Variants in PGM3 observed in about 807,000 individuals in gnomAD.
PGM3 encodes the protein phosphoacetylglucosamine mutase.
Under a neutral mutation model 66.2 loss-of-function variants are expected in PGM3, and 40 were observed. The observed-to-expected ratio is 0.60, with a 90% confidence interval of 0.47 to 0.79. The LOEUF is 0.79. Ranked by LOEUF, PGM3 falls within the 30% of genes least tolerant of loss-of-function variation. The probability of loss-of-function intolerance (pLI) is 0.00; values close to 1 mark genes in which losing one functional copy is unlikely to be tolerated. For missense variants in PGM3, 537 were observed against 643.4 expected (o/e 0.83, Z 1.79); for synonymous variants, 191 against 224.2 (o/e 0.85, Z 1.32).
At chr6:83,189,788 A>C (rs1788904171) in intron 2 of PGM3, among the ~76,000 whole-genome samples, 1 of 152,250 alleles carries the variant, frequency 6.6e-6, no homozygotes, top group Non-Finnish European at 1.5e-5. Flanking sequence ...TGGTATATAT[A>C]CACAATAGAA....
chr6:83,172,646 G>A (rs959857107), intron 10 of PGM3, among the ~76,000 whole-genome samples: 5 of 151,906 alleles, frequency 3.3e-5, no homozygotes, highest in African/African-American at 1.2e-4. Flanking sequence ...GCAACAGAGC[G>A]AGACTCCATC....
downstream of PGM3, chr6:83,164,585 T>C (rs1271631280): frequency 3.0e-5 from 43 of 1,415,436 alleles, no homozygotes; most frequent in Non-Finnish European, 3.6e-5. Flanking sequence ...CCAAATCACC[T>C]TAAACAAGGT....
Position 83,174,494 on chromosome 6 carries a change from C to T in PGM3, c.1129-7G>A, listed in dbSNP as rs2128489510. On this transcript the variant is annotated splice_polypyrimidine_tract_variant and splice_region_variant and intron_variant, in intron 9 of 12. Coordinates refer to ENST00000513973, the MANE Select transcript of PGM3 (RefSeq NM_015599.3). The stretch of plus-strand genomic sequence containing the variant: ...CAGCTGTACTAAACAGTGCCTGCAG[C>T]AAAAGAATATAAAATCAGTCTCAAA... The T allele has an allele frequency of 6.9e-7, 1 of 1,443,446 alleles. No homozygotes were observed. Among genetic ancestry groups the T allele is most frequent in the Non-Finnish European group, 9.5e-7 (1 of 1,048,334 alleles). 89.4% of individuals were successfully genotyped at this position (1,443,446 alleles called of 1,614,324 possible).
chr6:83,174,036 T>C (rs1787557232), intron 10 of PGM3, among the ~76,000 whole-genome samples: 1 of 152,152 alleles, frequency 6.6e-6, no homozygotes, highest in Non-Finnish European at 1.5e-5. Flanking sequence ...GTGCCTGGCC[T>C]GACAACCAGT....
chr6:83,168,247 T>C lies in PGM3; in HGVS notation c.*987A>G, dbSNP rs2128469666. On this transcript the variant is annotated 3_prime_UTR_variant, in exon 13 of 13. Transcript: ENST00000513973. Reference sequence around the variant, plus strand: ...CACACTGCTCTGCGTTGTATAGTTTTTCCTTTTTTGTATGTAACAGAACAC... The same window carrying C: ...CACACTGCTCTGCGTTGTATAGTTTCTCCTTTTTTGTATGTAACAGAACAC... The C allele has an allele frequency of 6.7e-7, 1 of 1,482,160 alleles. No homozygotes were observed. Among genetic ancestry groups the C allele is most frequent in the South Asian group, 1.4e-5 (1 of 69,680 alleles). 91.8% of individuals were successfully genotyped at this position (1,482,160 alleles called of 1,614,324 possible).
the PGM3 span, among the ~76,000 whole-genome samples, chr6:83,154,811 A>G: frequency 6.6e-6 from 1 of 152,138 alleles, no homozygotes; most frequent in Non-Finnish European, 1.5e-5. Flanking sequence ...AAAGAGTTTT[A>G]AAAAACGTTT....
rs1348265340 is a variant in PGM3, at chr6:83,182,017, T to C, written c.592-86A>G. The C allele has an allele frequency of 1.3e-5, 8 of 637,900 alleles. No homozygotes were observed. The African/African-American group carries it at 1.3e-4, about 11-fold the overall frequency. The allele number at this position is 637,900 out of a possible 1,614,324, so 39.5% of individuals were successfully genotyped here. A position where few individuals can be genotyped will look rare whatever the true frequency, so the allele number is the denominator to read the frequency against. ...TAAAGCATATATACATATGTGCATA[T>C]GTAAATATTTAGTTAACTCATTTTA... On this transcript the variant is annotated intron_variant, in intron 5 of 12. Transcript: ENST00000513973.
In PGM3 at chr6:83,190,700, G is replaced by A. The variant is rs965779383; in HGVS notation, c.204+109C>T. 25 of 847,258 alleles carry A rather than the reference G, an allele frequency of 3.0e-5. No individual in the cohort carries two copies. The African/African-American group carries it at 3.7e-4, about 13-fold the overall frequency. 52.5% of individuals were successfully genotyped at this position (847,258 alleles called of 1,614,324 possible). ...TCACATCCAAAGCACATATAAATGA[G>A]AAGGCACATTCCTAGAATTAGAATT... On this transcript the variant is annotated intron_variant, in intron 2 of 12. Coordinates refer to ENST00000513973, the MANE Select transcript of PGM3 (RefSeq NM_015599.3).
chr6:83,170,351 G>C lies in PGM3; in HGVS notation c.1493C>G (p.Ser498Cys). 1 of 1,614,130 alleles carries C rather than the reference G, an allele frequency of 6.2e-7. No individual in the cohort carries two copies. The highest frequency in any genetic ancestry group is 8.5e-7 in the Non-Finnish European group (1 of 1,179,994). Reference sequence around the variant, plus strand: ...TACTCGGACGACATCTTCTGTACCAGAGGGCCGGACAAAAGCTCGAGAAAG... The same window carrying C: ...TACTCGGACGACATCTTCTGTACCACAGGGCCGGACAAAAGCTCGAGAAAG... Reference protein sequence around the residue: ...YKLSRAFVRPSGTEDVVRVYA... With the variant: ...YKLSRAFVRPCGTEDVVRVYA... Residue 498 changes from serine to cysteine, a missense_variant, in exon 12 of 13, where the codon TCT becomes TGT. Transcript: ENST00000513973.
rs772003376 is a variant in PGM3 at position 83,182,898 on chromosome 6, T to C, written c.538A>G (p.Ile180Val). Residue 180 changes from isoleucine to valine, a missense_variant, in exon 5 of 13, where the codon ATA (isoleucine) becomes GTA (valine). Physicochemically the swap from Ile to Val is conservative, Grantham distance 29. Coordinates refer to ENST00000513973, the MANE Select transcript of PGM3 (RefSeq NM_015599.3). Reference sequence around the variant, plus strand: ...GAGAGTTTCTGGTAGTAACCTTCTATAGTTGCCTTTCCATATCGGCCACCC... The same window carrying C: ...GAGAGTTTCTGGTAGTAACCTTCTACAGTTGCCTTTCCATATCGGCCACCC... ...NTGGRYGKAT[I>V]EGYYQKLSKA... 8 of 1,613,952 alleles carry C rather than the reference T, an allele frequency of 5.0e-6. No homozygotes were observed. The Admixed American group carries it at 1.0e-4, about 20-fold the overall frequency.
downstream of PGM3, among the ~76,000 whole-genome samples, chr6:83,161,746 T>C (rs778018754): frequency 1.3e-5 from 2 of 152,206 alleles, no homozygotes; most frequent in Non-Finnish European, 2.9e-5. Flanking sequence ...TACACTGATA[T>C]TGTCCAATTG....
chr6:83,170,569 C>A, intron 11 of PGM3, 91 bp from the exon 12 acceptor site: 2 of 971,282 alleles, frequency 2.1e-6, no homozygotes, highest in South Asian at 1.8e-5. Flanking sequence ...AAGTGCCAGA[C>A]TAAATATAAA....
At position 83,187,697 on chromosome 6, in the gene PGM3, G is replaced by A. The variant is rs147212953; in HGVS notation, c.390-622C>T. On this transcript the variant is annotated intron_variant, in intron 3 of 12. Transcript: ENST00000513973. ...CACACAGCTGTAGTCCCAGCTACTC[G>A]GGAGGCTGAGGCAGGAGAATCACTT... Among the ~76,000 whole-genome samples, 838 of 152,232 alleles carry A rather than the reference G, an allele frequency of 5.5e-3. 7 individuals carry two copies. The highest frequency in any genetic ancestry group is 0.01 in the Middle Eastern group (3 of 294).
At chr6:83,171,558 T>G (rs1787146324) in intron 11 of PGM3, among the ~76,000 whole-genome samples, 1 of 152,198 alleles carries the variant, frequency 6.6e-6, no homozygotes. Flanking sequence ...TGGCATAATC[T>G]CGGCTCACTG....
chr6:83,159,284 C>CT (rs1448782569), downstream of PGM3, among the ~76,000 whole-genome samples: 6 of 151,644 alleles, frequency 4.0e-5, no homozygotes, highest in Non-Finnish European at 7.4e-5. Flanking sequence ...TTATGTACTA[C>CT]TTTTTTTTAG....
intron 1 of PGM3, among the ~76,000 whole-genome samples, chr6:83,192,460 T>C (rs1374765142): frequency 1.3e-5 from 2 of 152,222 alleles, no homozygotes; most frequent in Non-Finnish European, 2.9e-5. Flanking sequence ...GCTAGCCTCA[T>C]AATTTTGTTT....
chr6:83,155,822 G>C, the PGM3 span: 1 of 1,057,268 alleles, frequency 9.5e-7, no homozygotes, highest in Non-Finnish European at 1.3e-6. Flanking sequence ...CCCAGAGAGG[G>C]GCATCAAGTT....
chr6:83,162,647 A>G (rs1003880839), downstream of PGM3: 1 of 840,570 alleles, frequency 1.2e-6, no homozygotes, highest in South Asian at 3.0e-5. Flanking sequence ...ACATACCCAA[A>G]GTGACAAGGC....
At chr6:83,155,860 G>A in the PGM3 span, 1 of 1,441,438 alleles carries the variant, frequency 6.9e-7, no homozygotes, top group Non-Finnish European at 9.3e-7. Context: ...CTCAGTTTTG[G>A]ATGTCATAGA....
Sources: gnomAD v4.1 joint callset for allele counts (sites outside exome capture counted in the v4.1 genomes callset) on GRCh38, gnomAD v4.1.1 for gene constraint, MANE v1.5 for transcripts, NCBI Gene and HGNC (gene_info 2026-07-23, HGNC 2026-07-21) for gene names.